Variants in CMYA5 observed in about 807,000 individuals in gnomAD.
CMYA5 encodes cardiomyopathy associated 5.
CMYA5 carries 246 observed loss-of-function variants against 318.9 expected under a neutral mutation model. The ratio of observed to expected loss-of-function variants is 0.77; its 90% confidence interval spans 0.70 to 0.86. CMYA5 has a LOEUF of 0.86. CMYA5 is among the 40% of genes least tolerant of loss of function. CMYA5 has a pLI of 0.00. For missense variants in CMYA5, 4,589 were observed against 4,678.2 expected (o/e 0.98, Z 0.56); for synonymous variants, 1,641 against 1,729.5 (o/e 0.95, Z 1.27).
chr5:79,752,771 A>T lies in CMYA5; in HGVS notation c.11087A>T (p.Asp3696Val). 6.2e-7 allele frequency: 1 copy of T among 1,613,312 alleles called. No homozygotes were observed. The highest frequency in any genetic ancestry group is 8.5e-7 in the Non-Finnish European group (1 of 1,179,444). ...TATGATGACAGCTCGGCAAGAAGTG[A>T]CCAGATGTTAAAACAAGTGGCTGGT... Reference protein sequence around the residue: ...EHYDDSSARSDQMLKQVAVPQ... With the variant: ...EHYDDSSARSVQMLKQVAVPQ... The change falls in exon 6 of 13, where the codon GAC becomes GTC. Residue 3696 changes from aspartate (D) to valine (V), a missense_variant. Around this residue, in one of 3 missense-constraint regions of CMYA5, gnomAD observed 2,431 missense variants for 2,495.1 expected, o/e 0.97. Transcript: ENST00000446378.
intron 1 of CMYA5, among the ~76,000 whole-genome samples, chr5:79,705,068 C>T (rs1000585542): frequency 2.6e-5 from 4 of 151,764 alleles, no homozygotes; most frequent in Admixed American, 6.6e-5. Context: ...GTCAGGAGTT[C>T]GAGACCAGCC....
chr5:79,691,144 G>C (rs1403072987), intron 1 of CMYA5, among the ~76,000 whole-genome samples: 2 of 152,162 alleles, frequency 1.3e-5, no homozygotes, highest in African/African-American at 4.8e-5. Flanking sequence ...GAGGACTATG[G>C]GTACTGTGCA....
chr5:79,731,417 C>A lies in CMYA5; in HGVS notation c.2652C>A (p.Asp884Glu). 6.2e-7 allele frequency: 1 copy of A among 1,613,484 alleles called. No individual in the cohort carries two copies. The highest frequency in any genetic ancestry group is 8.5e-7 in the Non-Finnish European group (1 of 1,179,742). ...CATCTGAATATGTTGTTCTATCAGA[C>A]GAAGAGGCAGTCGAGTTGGAACGAT... ...ATPSEYVVLS[D>E]EEAVELERYT... Residue 884 changes from aspartate (D) to glutamate (E), a missense_variant, in exon 2 of 13, where the codon GAC becomes GAA. Physicochemically the swap from Asp to Glu is conservative, Grantham distance 45. Coordinates refer to ENST00000446378, the MANE Select transcript of CMYA5 (RefSeq NM_153610.5).
chr5:79,789,761 T>C (rs1829144399), intron 10 of CMYA5, among the ~76,000 whole-genome samples: 1 of 152,124 alleles, frequency 6.6e-6, no homozygotes, highest in Non-Finnish European at 1.5e-5. Context: ...CAATGTGTTA[T>C]AATTTGTGGA....
chr5:79,709,918 G>A (rs1827351052), intron 1 of CMYA5, among the ~76,000 whole-genome samples: 1 of 113,822 alleles, frequency 8.8e-6, no homozygotes, highest in Non-Finnish European at 1.6e-5. Flanking sequence ...CCAAGATTAT[G>A]CAACTGAGCT....
At chr5:79,771,616 A>G (rs1191810502) in intron 9 of CMYA5, among the ~76,000 whole-genome samples, 1 of 152,206 alleles carries the variant, frequency 6.6e-6, no homozygotes. Flanking sequence ...GGCTACAAGG[A>G]GAAGGGATGG....
At chr5:79,714,101 C>T (rs114739519) in intron 1 of CMYA5, among the ~76,000 whole-genome samples, 3 of 152,180 alleles carry the variant, frequency 2.0e-5, no homozygotes, top group African/African-American at 4.8e-5. Context: ...CTGCATAATA[C>T]TAACATATGT....
At chr5:79,785,658 A>G (rs1340075700) in intron 9 of CMYA5, among the ~76,000 whole-genome samples, 1 of 152,048 alleles carries the variant, frequency 6.6e-6, no homozygotes, top group African/African-American at 2.4e-5. Flanking sequence ...ATTATGTAAG[A>G]GTTTTTCAAC....
chr5:79,723,299 A>G (rs1417031354), intron 1 of CMYA5, among the ~76,000 whole-genome samples: 1 of 151,920 alleles, frequency 6.6e-6, no homozygotes, highest in Non-Finnish European at 1.5e-5. Flanking sequence ...ATTAGCCGGG[A>G]GCAGTGGCAG....
At position 79,730,477 on chromosome 5, in the gene CMYA5, C is replaced by T; in HGVS notation, c.1712C>T (p.Ser571Phe). 6.2e-7 allele frequency: 1 copy of T among 1,613,914 alleles called. No individual in the cohort carries two copies. ...ELILPLLAAS[S>F]PEHVALSEEE... ...ATTCTACCATTATTGGCAGCATCAT[C>T]TCCTGAACATGTTGCTTTGTCTGAG... is the stretch of plus-strand genomic sequence containing the variant. The change falls in exon 2 of 13, where the codon TCT becomes TTT. Residue 571 changes from serine to phenylalanine, a missense_variant. This residue lies in a region of CMYA5 where 2,132 missense variants were observed against 2,131.3 expected (regional missense o/e 1.00). Coordinates refer to ENST00000446378, the MANE Select transcript of CMYA5 (RefSeq NM_153610.5).
rs558681246 is a variant in CMYA5, at chr5:79,715,323, TGTCACCCA to T, written c.150-13590_150-13583del. 6.3e-3 allele frequency among the ~76,000 whole-genome samples: 965 copies of T among 152,046 alleles called. 6 individuals are homozygous for T. The highest frequency in any genetic ancestry group is 0.011 in the Non-Finnish European group (717 of 68,004). ...TTTTTTCTGTGACAGAGTCTCGCTC[TGTCACCCA>T]GGCTGGAGAGCAGTGGTGCGATCTC... On this transcript the variant is annotated intron_variant, in intron 1 of 12. Coordinates refer to ENST00000446378, the MANE Select transcript of CMYA5 (RefSeq NM_153610.5).
chr5:79,785,948 A>C (rs540867794), intron 9 of CMYA5, among the ~76,000 whole-genome samples: 1 of 152,352 alleles, frequency 6.6e-6, no homozygotes, highest in East Asian at 1.9e-4. Context: ...CCCAAGCTAG[A>C]GAGGCTGTCC....
intron 12 of CMYA5, among the ~76,000 whole-genome samples, chr5:79,797,778 T>C (rs1327843730): frequency 1.3e-5 from 2 of 152,188 alleles, no homozygotes; most frequent in East Asian, 3.9e-4. Context: ...GTCACCCCCA[T>C]GTCCTGTCCA....
chr5:79,700,244 T>A (rs1410844735), intron 1 of CMYA5, among the ~76,000 whole-genome samples: 1 of 152,200 alleles, frequency 6.6e-6, no homozygotes, highest in African/African-American at 2.4e-5. Flanking sequence ...AACCCAGGCT[T>A]TAGTGACAAC....
At position 79,798,631 on chromosome 5, in the gene CMYA5, C is replaced by T. The variant is rs1829317386; in HGVS notation, c.11964-739C>T. On this transcript the variant is annotated intron_variant, in intron 12 of 12. Coordinates refer to ENST00000446378, the MANE Select transcript of CMYA5 (RefSeq NM_153610.5). ...GAGTTTCAAATGTGGGCAGTTTTTC[C>T]TTCCTGCTCCATACAGTATGGGATC... 2.0e-5 allele frequency among the ~76,000 whole-genome samples: 3 copies of T among 152,134 alleles called. 1 individual carries two copies. In the South Asian group the frequency reaches 6.2e-4, roughly 32 times the overall value.
At chr5:79,742,712 T>C (rs1349447681) in intron 2 of CMYA5, among the ~76,000 whole-genome samples, 4 of 152,098 alleles carry the variant, frequency 2.6e-5, no homozygotes, top group African/African-American at 4.8e-5. Flanking sequence ...TTCTCAGTGT[T>C]TATTTATCTC....
intron 1 of CMYA5, among the ~76,000 whole-genome samples, chr5:79,701,530 A>G (rs1827174862): frequency 6.6e-6 from 1 of 152,212 alleles, no homozygotes; most frequent in African/African-American, 2.4e-5. Context: ...AACCACAATA[A>G]GATACCACTT....
At position 79,730,270 on chromosome 5, in the gene CMYA5, A is replaced by G; in HGVS notation, c.1505A>G (p.Glu502Gly). The G allele has an allele frequency of 6.2e-7, 1 of 1,614,024 alleles. No individual in the cohort carries two copies. The highest frequency in any genetic ancestry group is 8.5e-7 in the Non-Finnish European group (1 of 1,179,896). ...SISLSEPLML[E>G]EPEKEEIETS... is the part of the protein sequence containing the mutation. ...TCTCTTTCTGAACCTCTAATGTTAG[A>G]AGAACCAGAGAAAGAAGAAATAGAA... Residue 502 changes from glutamate (E) to glycine (G), a missense_variant, in exon 2 of 13, where the codon GAA becomes GGA. Physicochemically the swap from Glu to Gly is moderately conservative, Grantham distance 98. Around this residue, in one of 3 missense-constraint regions of CMYA5, gnomAD observed 2,132 missense variants for 2,131.3 expected, o/e 1.00. Coordinates refer to ENST00000446378, the MANE Select transcript of CMYA5 (RefSeq NM_153610.5).
chr5:79,735,024 A>C lies in CMYA5; in HGVS notation c.6259A>C (p.Lys2087Gln). 6.2e-7 allele frequency: 1 copy of C among 1,613,762 alleles called. No individual in the cohort carries two copies. Among genetic ancestry groups the C allele is most frequent in the Non-Finnish European group, 8.5e-7 (1 of 1,179,776 alleles). Residue 2087 changes from lysine (K) to glutamine (Q), a missense_variant, in exon 2 of 13, where the codon AAA (lysine) becomes CAA (glutamine). Coordinates refer to ENST00000446378, the MANE Select transcript of CMYA5 (RefSeq NM_153610.5). ...EGVEPALGNE[K>Q]EAHRSTPPFP... ...TGTGGAACCTGCATTGGGCAATGAAAAAGAAGCACACAGGAGCACACCTCC... is the reference window on the plus strand; with the variant it reads ...TGTGGAACCTGCATTGGGCAATGAACAAGAAGCACACAGGAGCACACCTCC...
Sources: allele counts gnomAD v4.1 joint callset (sites outside exome capture counted in the v4.1 genomes callset), GRCh38; gene constraint gnomAD v4.1.1; regional missense constraint gnomAD v4.1.1; transcripts MANE v1.5; gene names NCBI Gene and HGNC (gene_info 2026-07-23, HGNC 2026-07-21).